Variants in MAGI2 observed in about 807,000 individuals in gnomAD.
MAGI2 encodes membrane-associated guanylate kinase, WW and PDZ domain-containing protein 2.
MAGI2 carries 35 observed loss-of-function variants against 133.3 expected under a neutral mutation model. That is an observed-to-expected ratio of 0.26 (90% CI 0.20 to 0.35). MAGI2 has a LOEUF of 0.35. Among genes scored for constraint, MAGI2 ranks in the 10% least tolerant of loss-of-function variants. The pLI is 1.00. For missense variants in MAGI2, 1,636 were observed against 1,863.4 expected, an observed-to-expected ratio of 0.88 and a Z score of 2.25; for synonymous variants, 729 against 710.6, an observed-to-expected ratio of 1.03 and a Z score of -0.41.
intron 1 of MAGI2, among the ~76,000 whole-genome samples, chr7:79,148,282 T>C (rs1470613737): frequency 6.6e-6 from 1 of 152,180 alleles, no homozygotes; most frequent in Admixed American, 6.5e-5. Context: ...TGCTTCTCAC[T>C]GTTTAGAAAG....
At chr7:79,137,264 C>T (rs1183510560) in intron 1 of MAGI2, among the ~76,000 whole-genome samples, 5 of 152,062 alleles carry the variant, frequency 3.3e-5, no homozygotes, top group African/African-American at 1.2e-4. Context: ...ACAGTCAGTG[C>T]TAACATATAA....
At chr7:79,022,086 C>A (rs1425337525) in intron 1 of MAGI2, among the ~76,000 whole-genome samples, 1 of 152,148 alleles carries the variant, frequency 6.6e-6, no homozygotes, top group South Asian at 2.1e-4. Context: ...GAGGCCTCTC[C>A]AGCCATGTGG....
intron 7 of MAGI2, among the ~76,000 whole-genome samples, chr7:78,368,172 T>G (rs1209675666): frequency 6.6e-6 from 1 of 152,186 alleles, no homozygotes; most frequent in Non-Finnish European, 1.5e-5. Flanking sequence ...AGCACACAGA[T>G]TTTACTTATC....
At chr7:78,178,446 G>A (rs1826871028) in intron 13 of MAGI2, among the ~76,000 whole-genome samples, 1 of 152,142 alleles carries the variant, frequency 6.6e-6, no homozygotes, top group South Asian at 2.1e-4. Context: ...CTGTCACTTT[G>A]AGGATGTTTA....
intron 6 of MAGI2, among the ~76,000 whole-genome samples, chr7:78,428,326 A>G (rs1302298028): frequency 6.6e-6 from 1 of 152,176 alleles, no homozygotes; most frequent in African/African-American, 2.4e-5. Context: ...ACACTTTTAA[A>G]AAGGAATAAA....
At chr7:79,312,810 T>C (rs1838391092) in intron 1 of MAGI2, among the ~76,000 whole-genome samples, 3 of 152,180 alleles carry the variant, frequency 2.0e-5, no homozygotes, top group Non-Finnish European at 4.4e-5. Context: ...ATAAAAATCT[T>C]AGCTAATTCT....
intron 3 of MAGI2, among the ~76,000 whole-genome samples, chr7:78,581,689 T>A (rs577532124): frequency 4.1e-4 from 63 of 152,296 alleles, no homozygotes; most frequent in African/African-American, 1.3e-3. Flanking sequence ...AAAGACAGAT[T>A]AAGAGAGAAA....
At chr7:78,617,558 C>T (rs1012181703) in intron 3 of MAGI2, 4 of 151,978 alleles carry the variant, frequency 2.6e-5, no homozygotes, top group African/African-American at 9.7e-5. Flanking sequence ...GTTTCCAAGC[C>T]TTCAATAAGG....
At chr7:78,110,677 G>A (rs1382769745) in intron 20 of MAGI2, among the ~76,000 whole-genome samples, 3 of 152,128 alleles carry the variant, frequency 2.0e-5, no homozygotes, top group Non-Finnish European at 2.9e-5. Flanking sequence ...ATTTTGTCAA[G>A]TTGAACCATG....
chr7:78,042,402 G>GTGTAA (rs1304302157), intron 21 of MAGI2, among the ~76,000 whole-genome samples: 1 of 152,110 alleles, frequency 6.6e-6, no homozygotes, highest in Admixed American at 6.6e-5. Context: ...ACAACATTCT[G>GTGTAA]TGTAATGGCT....
chr7:78,336,212 A>G (rs1789742923), intron 9 of MAGI2, among the ~76,000 whole-genome samples: 1 of 152,156 alleles, frequency 6.6e-6, no homozygotes, highest in Admixed American at 6.5e-5. Flanking sequence ...AAAAATACAT[A>G]TATATACACA....
chr7:79,162,273 T>G (rs903362724), intron 1 of MAGI2, among the ~76,000 whole-genome samples: 1 of 152,076 alleles, frequency 6.6e-6, no homozygotes, highest in African/African-American at 2.4e-5. Context: ...AAATTACTCT[T>G]AAAATTGTCA....
Position 78,135,098 on chromosome 7 carries a change from T to C in MAGI2, c.2954A>G (p.Asn985Ser). ...ILAVNGQSII[N>S]MPHADIVKLI... ...CTTCACGATGTCAGCGTGAGGCATG[T>C]TGATGATAGACTGGCCATTCACTGC... The change falls in exon 17 of 22, where the codon AAC (asparagine) becomes AGC (serine). Residue 985 changes from asparagine (N) to serine (S), a missense_variant. By Grantham distance (46) the Asn-to-Ser change is conservative. Around this residue, in one of 5 missense-constraint regions of MAGI2, gnomAD observed 920 missense variants for 1,093.5 expected, o/e 0.84. Transcript: ENST00000354212. 6.2e-7 allele frequency: 1 copy of C among 1,614,130 alleles called. No homozygotes were observed. The highest frequency in any genetic ancestry group is 8.5e-7 in the Non-Finnish European group (1 of 1,180,008).
intron 6 of MAGI2, among the ~76,000 whole-genome samples, chr7:78,461,888 G>A (rs1383217954): frequency 8.0e-6 from 1 of 125,480 alleles, no homozygotes; most frequent in Admixed American, 8.5e-5. Context: ...TCTAGCCGGG[G>A]CAACAAGAGC....
chr7:78,564,520 T>G (rs1800733841), intron 3 of MAGI2, among the ~76,000 whole-genome samples: 1 of 152,184 alleles, frequency 6.6e-6, no homozygotes, highest in African/African-American at 2.4e-5. Context: ...TATTTGCAAG[T>G]AAATTTATTA....
intron 2 of MAGI2, among the ~76,000 whole-genome samples, chr7:78,842,176 A>C (rs1450348616): frequency 6.6e-6 from 1 of 152,002 alleles, no homozygotes; most frequent in Non-Finnish European, 1.5e-5. Context: ...CGAACAAGTA[A>C]TAAATAATCA....
chr7:78,405,380 G>C (rs901746404), intron 6 of MAGI2, among the ~76,000 whole-genome samples: 2 of 152,100 alleles, frequency 1.3e-5, no homozygotes, highest in Non-Finnish European at 2.9e-5. Flanking sequence ...TTGAATGATA[G>C]TGTCCTGTCT....
chr7:78,614,026 A>G (rs1410805258), intron 3 of MAGI2, among the ~76,000 whole-genome samples: 5 of 151,916 alleles, frequency 3.3e-5, no homozygotes, highest in Non-Finnish European at 7.4e-5. Context: ...AGGAGAATCA[A>G]TTGAACCTGG....
At chr7:78,931,308 G>A (rs1452182361) in intron 2 of MAGI2, among the ~76,000 whole-genome samples, 2 of 151,918 alleles carry the variant, frequency 1.3e-5, no homozygotes, top group East Asian at 1.9e-4. Flanking sequence ...ATATGTAGTC[G>A]ACATTACCAC....
Sources: gnomAD v4.1 joint callset for allele counts (sites outside exome capture counted in the v4.1 genomes callset) on GRCh38, gnomAD v4.1.1 for gene constraint, gnomAD v4.1.1 regional missense constraint, MANE v1.5 for transcripts, NCBI Gene and HGNC (gene_info 2026-07-23, HGNC 2026-07-21) for gene names.